The following ZZEF1 variants were observed in gnomAD, a reference collection of about 807,000 sequenced individuals.
ZZEF1 encodes zinc finger ZZ-type and EF-hand domain containing 1.
ZZEF1 carries 157 observed loss-of-function variants against 342.8 expected under a neutral mutation model. The observed-to-expected ratio is 0.46, with a 90% CI of 0.40 to 0.52. The LOEUF is 0.52. ZZEF1 is among the 20% of genes least tolerant of loss of function. The probability of loss-of-function intolerance (pLI) is 0.00; values close to 1 mark genes in which losing one functional copy is unlikely to be tolerated. For synonymous variants in ZZEF1, 1,505 were observed against 1,429.1 expected (o/e 1.05, Z -1.20); for missense variants, 3,480 against 3,725.6 (o/e 0.93, Z 1.72).
At position 4,017,498 on chromosome 17, in the gene ZZEF1, G is replaced by A; in HGVS notation, c.7874C>T (p.Ser2625Phe). ...AVLYARHVLA[S>F]LLAEWPSHVP... ...GTGGCTAGGCCACTCGGCGAGCAGG[G>A]ATGCAAGCACGTGGCGGGCGTACAG... Residue 2625 changes from serine to phenylalanine, a missense_variant, in exon 48 of 55, where the codon TCC (serine) becomes TTC (phenylalanine). Coordinates refer to ENST00000381638, the MANE Select transcript of ZZEF1 (RefSeq NM_015113.4). The surrounding 1 kb of genome is among the most constrained non-coding windows in gnomAD (Gnocchi z 5.1). The A allele has an allele frequency of 1.2e-6, 2 of 1,614,282 alleles. No individual in the cohort carries two copies. The highest frequency in any genetic ancestry group is 1.7e-6 in the Non-Finnish European group (2 of 1,180,052).
At chr17:4,018,146 G>A (rs2056165648) in intron 46 of ZZEF1, among the ~76,000 whole-genome samples, 175 bp from the exon 47 acceptor site, 1 of 152,166 alleles carries the variant, frequency 6.6e-6, no homozygotes, top group Non-Finnish European at 1.5e-5. Flanking sequence ...CATGGATACA[G>A]AATGCATGTA....
In ZZEF1 at chr17:4,087,540, A is replaced by G; in HGVS notation, c.2242-6T>C. On this transcript the variant is annotated splice_polypyrimidine_tract_variant and splice_region_variant and intron_variant, in intron 13 of 54. Transcript: ENST00000381638. Reference sequence around the variant, plus strand: ...CCACTTTCCTTCTGCTGCACCTAAAAAATTATAAAGATCAGAATAAATAAA... The same window carrying G: ...CCACTTTCCTTCTGCTGCACCTAAAGAATTATAAAGATCAGAATAAATAAA... 5 of 1,600,788 alleles carry G rather than the reference A, an allele frequency of 3.1e-6. No individual in the cohort carries two copies. The highest frequency in any genetic ancestry group is 4.3e-6 in the Non-Finnish European group (5 of 1,175,872).
chr17:4,075,170 TA>T lies in ZZEF1; in HGVS notation c.3409del (p.Tyr1137IlefsTer27). 1 of 1,614,242 alleles carries T rather than the reference TA, an allele frequency of 6.2e-7. No individual in the cohort carries two copies. Among genetic ancestry groups the T allele is most frequent in the Non-Finnish European group, 8.5e-7 (1 of 1,180,028 alleles). ...DRCETEKRYD[Y>X]LEFTDARGRK... Reference sequence around the variant, plus strand: ...ACCTCTAGCGTCGGTAAATTCCAGATAATCATACCTGTGAAGGCATAACCTC... The same window carrying T: ...ACCTCTAGCGTCGGTAAATTCCAGATATCATACCTGTGAAGGCATAACCTC... On this transcript the variant is annotated frameshift_variant, in exon 23 of 55. Transcript: ENST00000381638. LOFTEE classifies it high-confidence loss of function.
rs530822497 is a variant in ZZEF1 at position 4,045,848 on chromosome 17, G to A, written c.6016-1474C>T. 1.7e-3 allele frequency among the ~76,000 whole-genome samples: 247 copies of A among 143,216 alleles called. 2 individuals are homozygous for A. The highest frequency in any genetic ancestry group is 6.1e-3 in the African/African-American group (232 of 38,120). 94.0% of individuals were successfully genotyped at this position (143,216 alleles called of 152,430 possible). A position where few individuals can be genotyped will look rare whatever the true frequency, so the allele number is the denominator to read the frequency against. Reference sequence around the variant, plus strand: ...TGTTCTTGTTTTTTTTTTTTTTTGAGATGGAGTCTCGCTCTGTTACCCAGG... The same window carrying A: ...TGTTCTTGTTTTTTTTTTTTTTTGAAATGGAGTCTCGCTCTGTTACCCAGG... On this transcript the variant is annotated intron_variant, in intron 37 of 54. Transcript: ENST00000381638.
Position 4,070,786 on chromosome 17 carries a change from T to C in ZZEF1, c.3973A>G (p.Thr1325Ala). 2 of 1,614,170 alleles carry C rather than the reference T, an allele frequency of 1.2e-6. No homozygotes were observed. Among genetic ancestry groups the C allele is most frequent in the South Asian group, 1.1e-5 (1 of 91,078 alleles). The stretch of plus-strand genomic sequence containing the variant: ...ATAGTGGAACCAGCAACTATATCTG[T>C]CTTTGGGGCCTGTTTTCTACATGCC... ...IQACRKQAPK[T>A]DIVAGSTIDQ... Residue 1325 changes from threonine to alanine, a missense_variant, in exon 26 of 55, where the codon ACA becomes GCA. Around this residue, in one of 5 missense-constraint regions of ZZEF1, gnomAD observed 1,528 missense variants for 1,624.1 expected, o/e 0.94. Transcript: ENST00000381638.
rs758095208 is a variant in ZZEF1 at position 4,009,744 on chromosome 17, G to A, written c.8593C>T (p.Leu2865Phe). 6.2e-7 allele frequency: 1 copy of A among 1,613,930 alleles called. No individual in the cohort carries two copies. The highest frequency in any genetic ancestry group is 1.7e-5 in the Admixed American group (1 of 60,006). The stretch of plus-strand genomic sequence containing the variant: ...TGCCACAGGGGCTTCAACAGCGCAA[G>A]GTCACACAGGTCACTGCAGGAGGAG... Reference protein sequence around the residue: ...RCCGHSDLCDLALLKPLWQLF... With the variant: ...RCCGHSDLCDFALLKPLWQLF... Residue 2865 changes from leucine (L) to phenylalanine (F), a missense_variant, in exon 53 of 55, where the codon CTT becomes TTT. Coordinates refer to ENST00000381638, the MANE Select transcript of ZZEF1 (RefSeq NM_015113.4).
chr17:4,096,691 G>GT lies in ZZEF1; in HGVS notation c.1681dup (p.Thr561AsnfsTer17). The GT allele has an allele frequency of 6.2e-7, 1 of 1,613,692 alleles. No homozygotes were observed. The highest frequency in any genetic ancestry group is 8.5e-7 in the Non-Finnish European group (1 of 1,179,860). ...GCTGGCTCTGGTTTTTCCAGTTTCCGTAAGAAAACCTGAAAAAAGGGAAAA... is the reference window on the plus strand; with the variant it reads ...GCTGGCTCTGGTTTTTCCAGTTTCCGTTAAGAAAACCTGAAAAAAGGGAAAA... On this transcript the variant is annotated frameshift_variant, in exon 10 of 55. Transcript: ENST00000381638. LOFTEE classifies it high-confidence loss of function.
At position 4,017,980 on chromosome 17, in the gene ZZEF1, G is replaced by C. The variant is rs1282160444; in HGVS notation, c.7506-9C>G. On this transcript the variant is annotated splice_polypyrimidine_tract_variant and intron_variant, in intron 46 of 54. Coordinates refer to ENST00000381638, the MANE Select transcript of ZZEF1 (RefSeq NM_015113.4). The surrounding 1 kb of genome is among the most constrained non-coding windows in gnomAD (Gnocchi z 5.1). ...GCTCATCACCATCAAACCTGCAGAAGGGCAGCACAAAGTTGAGTACCAACA... is the reference window on the plus strand; with the variant it reads ...GCTCATCACCATCAAACCTGCAGAACGGCAGCACAAAGTTGAGTACCAACA... The C allele has an allele frequency of 1.2e-6, 2 of 1,612,386 alleles. No individual in the cohort carries two copies. The highest frequency in any genetic ancestry group is 3.3e-5 in the Admixed American group (2 of 59,998).
intron 1 of ZZEF1, among the ~76,000 whole-genome samples, chr17:4,125,124 C>A (rs2058553454): frequency 6.6e-6 from 1 of 152,106 alleles, no homozygotes; most frequent in African/African-American, 2.4e-5. Flanking sequence ...GTGTCCCTGA[C>A]CCCCTTCCCT....
At chr17:4,095,651 C>G (rs943669833) in intron 11 of ZZEF1, among the ~76,000 whole-genome samples, 180 bp downstream of exon 11, 2 of 152,208 alleles carry the variant, frequency 1.3e-5, no homozygotes, top group African/African-American at 4.8e-5. Context: ...TTAACATACA[C>G]ATCTTCAGAT....
chr17:4,133,867 G>C (rs964120431), intron 1 of ZZEF1, among the ~76,000 whole-genome samples: 1 of 151,832 alleles, frequency 6.6e-6, no homozygotes, highest in Non-Finnish European at 1.5e-5. Context: ...GACATGCTCA[G>C]CTAGTTTTTT....
At chr17:4,060,563 A>AAAC (rs58090435) in intron 30 of ZZEF1, among the ~76,000 whole-genome samples, 38,310 of 149,850 alleles carry the variant, frequency 0.26, 6,113 homozygotes, top group African/African-American at 0.46. Context: ...ACAAAAAAAC[A>AAAC]AACAACAACA....
Position 4,014,667 on chromosome 17 carries a change from C to T in ZZEF1, c.8146-152G>A, listed in dbSNP as rs528417058. 148 of 838,764 alleles carry T rather than the reference C, an allele frequency of 1.8e-4. 1 individual carries two copies. In the South Asian group the frequency reaches 2.3e-3, roughly 13 times the overall value. The allele number at this position is 838,764 out of a possible 1,614,324, so 52.0% of individuals were successfully genotyped here. A position where few individuals can be genotyped will look rare whatever the true frequency, so the allele number is the denominator to read the frequency against. On this transcript the variant is annotated intron_variant, in intron 49 of 54. Coordinates refer to ENST00000381638, the MANE Select transcript of ZZEF1 (RefSeq NM_015113.4). The surrounding 1 kb of genome is among the most constrained non-coding windows in gnomAD (Gnocchi z 4.4). Reference sequence around the variant, plus strand: ...CCAGGAGTGCAGAGTCCAGCTAGGGCGAGGAGCATGCACAGACTGCAAATA... The same window carrying T: ...CCAGGAGTGCAGAGTCCAGCTAGGGTGAGGAGCATGCACAGACTGCAAATA...
chr17:4,111,313 T>C (rs2058294195), intron 5 of ZZEF1, among the ~76,000 whole-genome samples: 1 of 152,118 alleles, frequency 6.6e-6, no homozygotes, highest in Non-Finnish European at 1.5e-5. Flanking sequence ...TAGTAGGATT[T>C]GAGTATTTTT....
chr17:4,034,860 T>A (rs1280775036), intron 39 of ZZEF1, among the ~76,000 whole-genome samples: 1 of 152,038 alleles, frequency 6.6e-6, no homozygotes, highest in Non-Finnish European at 1.5e-5. Context: ...TAGCCAGGCA[T>A]AGTGGTACGT....
chr17:4,008,624 T>G lies in ZZEF1; in HGVS notation c.8805+259A>C. On this transcript the variant is annotated intron_variant, in intron 54 of 54. Transcript: ENST00000381638. The surrounding 1 kb of genome is among the most constrained non-coding windows in gnomAD (Gnocchi z 4.2). ...AACTTCAAGAATCAGCCAAACTAAATTTAAGGCATCGGTTGTTTTGGTTTT... is the reference window on the plus strand; with the variant it reads ...AACTTCAAGAATCAGCCAAACTAAAGTTAAGGCATCGGTTGTTTTGGTTTT... 1 of 1,188,826 alleles carries G rather than the reference T, an allele frequency of 8.4e-7. No homozygotes were observed. The highest frequency in any genetic ancestry group is 1.0e-6 in the Non-Finnish European group (1 of 958,748). The allele number at this position is 1,188,826 out of a possible 1,614,324, so 73.6% of individuals were successfully genotyped here. A position where few individuals can be genotyped will look rare whatever the true frequency, so the allele number is the denominator to read the frequency against.
At chr17:4,064,892 G>T in intron 28 of ZZEF1, 63 bp from the exon 29 acceptor site, 2 of 1,253,776 alleles carry the variant, frequency 1.6e-6, no homozygotes, top group East Asian at 2.4e-5. Flanking sequence ...GGAGGGGGAG[G>T]GGAGAGGGAT....
In ZZEF1 at chr17:4,123,869, A is replaced by G. The variant is rs367977906; in HGVS notation, c.499+38T>C. ...TTCAATCAGTAGTATAGCAAAGTTC[A>G]CTTTGGTTCTAAGACAGCACCTAGA... On this transcript the variant is annotated intron_variant, in intron 2 of 54. Transcript: ENST00000381638. 61 of 1,599,308 alleles carry G rather than the reference A, an allele frequency of 3.8e-5. No individual in the cohort carries two copies. In the African/African-American group the frequency reaches 6.7e-4, roughly 18 times the overall value.
At chr17:4,011,950 G>A (rs752506189) in intron 52 of ZZEF1, among the ~76,000 whole-genome samples, 4 of 152,214 alleles carry the variant, frequency 2.6e-5, no homozygotes, top group Non-Finnish European at 5.9e-5. Flanking sequence ...CCCTCAGGCA[G>A]GCCCCTCTCT....
Sources: allele counts gnomAD v4.1 joint callset (sites outside exome capture counted in the v4.1 genomes callset), GRCh38; gene constraint gnomAD v4.1.1; regional missense constraint gnomAD v4.1.1; non-coding constraint Gnocchi (gnomAD v3.1); transcripts MANE v1.5; gene names NCBI Gene and HGNC (gene_info 2026-07-23, HGNC 2026-07-21).